Variants in COL25A1 observed in about 807,000 individuals in gnomAD.
COL25A1 encodes the protein collagen alpha-1(XXV) chain.
Under a neutral mutation model 128.4 loss-of-function variants are expected in COL25A1, and 103 were observed. The ratio of observed to expected loss-of-function variants is 0.80; its 90% CI spans 0.68 to 0.94. The LOEUF (loss-of-function observed/expected upper bound fraction) is 0.94. Among genes scored for constraint, COL25A1 ranks in the 40% least tolerant of loss-of-function variants. COL25A1 has a pLI of 0.00. For missense variants in COL25A1, 745 were observed against 840.0 expected (o/e 0.89, Z 1.40); for synonymous variants, 279 against 277.2 (o/e 1.01, Z -0.06).
At chr4:109,183,093 TA>T (rs760472849) in intron 3 of COL25A1, among the ~76,000 whole-genome samples, 1 of 152,138 alleles carries the variant, frequency 6.6e-6, no homozygotes, top group Non-Finnish European at 1.5e-5. Context: ...CTTAGAACTA[TA>T]ATGTATTAGC....
intron 20 of COL25A1, among the ~76,000 whole-genome samples, chr4:108,867,834 C>T (rs1489708518): frequency 6.6e-6 from 1 of 151,992 alleles, no homozygotes; most frequent in East Asian, 1.9e-4. Flanking sequence ...TTATGTCTTT[C>T]AGGGTAGATA....
intron 24 of COL25A1, 41 bp from the exon 25 acceptor site, chr4:108,852,966 T>C: frequency 6.3e-7 from 1 of 1,575,632 alleles, no homozygotes; most frequent in Non-Finnish European, 8.7e-7. Context: ...GTTATCTATT[T>C]TGTGTGCCAA....
intron 19 of COL25A1, among the ~76,000 whole-genome samples, chr4:108,875,033 A>G (rs555939136): frequency 7.5e-4 from 115 of 152,326 alleles, no homozygotes; most frequent in African/African-American, 2.5e-3. Flanking sequence ...GACAAAGTCA[A>G]TTGGGATTCC....
intron 11 of COL25A1, among the ~76,000 whole-genome samples, chr4:108,937,108 G>C (rs993034809): frequency 1.3e-5 from 2 of 152,006 alleles, no homozygotes; most frequent in African/African-American, 4.8e-5. Flanking sequence ...TGGGTTATTA[G>C]AGAATTACCC....
intron 3 of COL25A1, among the ~76,000 whole-genome samples, chr4:109,254,702 A>G (rs959289579): frequency 1.3e-5 from 2 of 151,702 alleles, no homozygotes; most frequent in African/African-American, 4.8e-5. Context: ...GGTTAAATTG[A>G]GCTGAATTTA....
intron 19 of COL25A1, 75 bp downstream of exon 19, chr4:108,884,103 C>T (rs982793920): frequency 6.3e-6 from 9 of 1,421,022 alleles, no homozygotes; most frequent in East Asian, 2.3e-5. Flanking sequence ...TTCCATTTTT[C>T]CCTATTTTCC....
chr4:109,109,214 A>G (rs1394486582), intron 3 of COL25A1, among the ~76,000 whole-genome samples: 1 of 152,030 alleles, frequency 6.6e-6, no homozygotes, highest in Admixed American at 6.6e-5. Context: ...TCATCTTTCC[A>G]AATAGCTGGG....
intron 32 of COL25A1, among the ~76,000 whole-genome samples, chr4:108,831,690 GA>G (rs1560714377): frequency 5.9e-4 from 13 of 22,054 alleles, no homozygotes; most frequent in South Asian, 2.8e-3. Context: ...GAGAGGGGGA[GA>G]GAGAGAGAGA....
At chr4:108,846,927 T>C (rs776393174) in intron 27 of COL25A1, among the ~76,000 whole-genome samples, 131 of 139,970 alleles carry the variant, frequency 9.4e-4, no homozygotes, top group Non-Finnish European at 1.7e-3. Flanking sequence ...TTTTTTTGAG[T>C]TGGAGTCTCA....
At chr4:108,921,613 G>C (rs186566036) in intron 11 of COL25A1, among the ~76,000 whole-genome samples, 25 of 152,250 alleles carry the variant, frequency 1.6e-4, no homozygotes, top group Non-Finnish European at 3.1e-4. Context: ...TAAAACACTA[G>C]AGTGGTTGTC....
At chr4:109,138,144 T>C (rs529296224) in intron 3 of COL25A1, among the ~76,000 whole-genome samples, 1 of 152,084 alleles carries the variant, frequency 6.6e-6, no homozygotes, top group South Asian at 2.1e-4. Context: ...TTTGCTCCCA[T>C]CCCCCTGACA....
intron 3 of COL25A1, among the ~76,000 whole-genome samples, chr4:109,271,831 A>C (rs1218574565): frequency 6.6e-6 from 1 of 152,218 alleles, no homozygotes; most frequent in Non-Finnish European, 1.5e-5. Context: ...TTTTCAAAGA[A>C]TTTGCAGGAA....
At chr4:108,944,794 G>A (rs1442700805) in intron 8 of COL25A1, among the ~76,000 whole-genome samples, 1 of 151,966 alleles carries the variant, frequency 6.6e-6, no homozygotes, top group Non-Finnish European at 1.5e-5. Flanking sequence ...ACCTCAGAAA[G>A]ACCTTTTTCC....
intron 3 of COL25A1, among the ~76,000 whole-genome samples, chr4:109,174,332 T>C (rs1269952195): frequency 6.6e-6 from 1 of 152,156 alleles, no homozygotes; most frequent in Non-Finnish European, 1.5e-5. Flanking sequence ...CCCCTCCCCA[T>C]TCTGTCCTGA....
chr4:109,172,406 CTGAGGCAGT>C (rs1336616869), intron 3 of COL25A1, among the ~76,000 whole-genome samples: 1 of 152,112 alleles, frequency 6.6e-6, no homozygotes, highest in Non-Finnish European at 1.5e-5. Flanking sequence ...AAAGGCATCC[CTGAGGCAGT>C]AATGTCTAAG....
In COL25A1 at chr4:109,251,884, A is replaced by G. The variant is rs75789075; in HGVS notation, c.367+48699T>C. Among the ~76,000 whole-genome samples the G allele has an allele frequency of 3.3e-5, 5 of 152,332 alleles. No homozygotes were observed. In the East Asian group the frequency reaches 9.7e-4, roughly 29 times the overall value. On this transcript the variant is annotated intron_variant, in intron 3 of 37. Coordinates refer to ENST00000399132, the MANE Select transcript of COL25A1 (RefSeq NM_198721.4). ...TCAGAGGATATACAGTCTTTTAGGG[A>G]ACCTTGCCTCAGCCTTGCAAGGTAT...
chr4:109,125,639 AAC>A (rs1386549283), intron 3 of COL25A1, among the ~76,000 whole-genome samples: 2 of 152,164 alleles, frequency 1.3e-5, no homozygotes, highest in Admixed American at 1.3e-4. Context: ...CAGTTGATGG[AAC>A]AGTTATTTTA....
intron 19 of COL25A1, 126 bp from the exon 20 acceptor site, chr4:108,869,276 CT>C (rs1169389000): frequency 8.2e-5 from 47 of 569,956 alleles, no homozygotes; most frequent in Non-Finnish European, 1.3e-4. Flanking sequence ...TTGTATACAG[CT>C]TTCTTGCCGA....
At chr4:109,275,297 C>T (rs1444708100) in intron 3 of COL25A1, among the ~76,000 whole-genome samples, 1 of 152,090 alleles carries the variant, frequency 6.6e-6, no homozygotes, top group Admixed American at 6.6e-5. Context: ...AAAAAGGACC[C>T]CCTGTGAGCC....
Sources: allele counts gnomAD v4.1 joint callset (sites outside exome capture counted in the v4.1 genomes callset), GRCh38; gene constraint gnomAD v4.1.1; transcripts MANE v1.5; gene names NCBI Gene and HGNC (gene_info 2026-07-23, HGNC 2026-07-21).